FGD4: variants seen among roughly 807,000 people sequenced by gnomAD.
FGD4 encodes FYVE, RhoGEF and PH domain-containing protein 4.
Under a neutral mutation model 102.0 loss-of-function variants are expected in FGD4, and 42 were observed. That is an observed-to-expected ratio of 0.41 (90% CI 0.32 to 0.53). FGD4 has a LOEUF of 0.53. Among genes scored for constraint, FGD4 ranks in the 20% least tolerant of loss-of-function variants. The pLI, the probability that FGD4 is intolerant of heterozygous loss-of-function variation, is 0.21. For missense variants in FGD4, 902 were observed against 1,078.2 expected, an observed-to-expected ratio of 0.84 and a Z score of 2.29; for synonymous variants, 380 against 375.7, an observed-to-expected ratio of 1.01 and a Z score of -0.13.
At chr12:32,522,779 A>G (rs1319165733) in intron 1 of FGD4, among the ~76,000 whole-genome samples, 1 of 152,266 alleles carries the variant, frequency 6.6e-6, no homozygotes, top group Non-Finnish European at 1.5e-5. Context: ...GATGAGGGGT[A>G]GAGCCTTCAG....
chr12:32,410,425 CA>C (rs543598255), intron 1 of FGD4, among the ~76,000 whole-genome samples: 199 of 151,818 alleles, frequency 1.3e-3, no homozygotes, highest in Non-Finnish European at 2.4e-3. Flanking sequence ...GCTGAGGCTG[CA>C]GTGACCTGTG....
intron 1 of FGD4, among the ~76,000 whole-genome samples, chr12:32,548,603 G>A (rs1185719184): frequency 6.6e-6 from 1 of 152,212 alleles, no homozygotes; most frequent in African/African-American, 2.4e-5. Context: ...ATGCCTCCAA[G>A]TCTGTTAGGT....
chr12:32,598,116 A>C (rs1200089928), intron 4 of FGD4, among the ~76,000 whole-genome samples: 1 of 152,228 alleles, frequency 6.6e-6, no homozygotes, highest in Admixed American at 6.5e-5. Context: ...TTTTAAAAAT[A>C]AAAAATTAAT....
intron 4 of FGD4, chr12:32,582,834 T>C (rs1946722175): frequency 4.5e-6 from 1 of 224,034 alleles, no homozygotes; most frequent in South Asian, 7.7e-5. Flanking sequence ...AGAAATTGTA[T>C]AATCTTTGTT....
At chr12:32,603,055 A>G (rs1175653568) in intron 7 of FGD4, among the ~76,000 whole-genome samples, 1 of 152,192 alleles carries the variant, frequency 6.6e-6, no homozygotes, top group East Asian at 1.9e-4. Context: ...TTCTTGTAAA[A>G]TGTAGACACT....
At chr12:32,489,808 T>C (rs779007447) in intron 1 of FGD4, among the ~76,000 whole-genome samples, 27 of 152,182 alleles carry the variant, frequency 1.8e-4, no homozygotes, top group Non-Finnish European at 3.5e-4. Context: ...TTTATTTATA[T>C]ATTAAAAAAA....
At chr12:32,599,202 A>G (rs1292777912) in intron 5 of FGD4, among the ~76,000 whole-genome samples, 3 of 152,082 alleles carry the variant, frequency 2.0e-5, no homozygotes, top group Non-Finnish European at 4.4e-5. Flanking sequence ...ATATTATAAG[A>G]ATAACTTTTG....
chr12:32,528,503 C>T (rs1165466841), intron 1 of FGD4, among the ~76,000 whole-genome samples: 1 of 152,136 alleles, frequency 6.6e-6, no homozygotes, highest in Non-Finnish European at 1.5e-5. Flanking sequence ...ATTCTCCTGA[C>T]TCAAGCCTCC....
intron 1 of FGD4, among the ~76,000 whole-genome samples, chr12:32,468,704 T>A (rs1408905860): frequency 6.6e-6 from 1 of 152,196 alleles, no homozygotes; most frequent in African/African-American, 2.4e-5. Flanking sequence ...ATCGCCCAAC[T>A]GTACTGCAGC....
At chr12:32,585,913 AG>A (rs1946995127) in intron 4 of FGD4, among the ~76,000 whole-genome samples, 1 of 150,242 alleles carries the variant, frequency 6.7e-6, no homozygotes, top group Non-Finnish European at 1.5e-5. Context: ...GTTGAGGGCC[AG>A]GCTGCTGAGA....
chr12:32,534,613 T>G lies in FGD4; in HGVS notation c.167-29524T>G, dbSNP rs1019065007. 6 of 598,174 alleles carry G rather than the reference T, an allele frequency of 1.0e-5. No individual in the cohort carries two copies. In the African/African-American group the frequency reaches 1.1e-4, roughly 11 times the overall value. 37.1% of individuals were successfully genotyped at this position (598,174 alleles called of 1,614,324 possible). ...GCAGAGTTTGGTTTTCTTTTAAAGT[T>G]AATAAAGCTCACATTGGTTTTCAAG... On this transcript the variant is annotated intron_variant, in intron 1 of 16. Coordinates refer to ENST00000534526, the MANE Select transcript of FGD4 (RefSeq NM_001370298.3).
chr12:32,464,297 C>T (rs1335553730), intron 1 of FGD4, among the ~76,000 whole-genome samples: 2 of 152,108 alleles, frequency 1.3e-5, no homozygotes, highest in African/African-American at 4.8e-5. Flanking sequence ...GGACTACAGG[C>T]GCGCACCACT....
At chr12:32,606,745 G>A (rs990731469) in intron 7 of FGD4, among the ~76,000 whole-genome samples, 1 of 152,052 alleles carries the variant, frequency 6.6e-6, no homozygotes, top group African/African-American at 2.4e-5. Flanking sequence ...ACTTTAATGG[G>A]ATTTCTGCTT....
intron 2 of FGD4, among the ~76,000 whole-genome samples, chr12:32,567,521 A>G (rs751268541): frequency 6.6e-6 from 1 of 152,102 alleles, no homozygotes; most frequent in Non-Finnish European, 1.5e-5. Context: ...CTGTTGCTCT[A>G]CATCCTGCAA....
chr12:32,541,139 C>CA (rs546192735), intron 1 of FGD4, among the ~76,000 whole-genome samples: 1,641 of 147,964 alleles, frequency 0.011, 9 homozygotes, highest in Non-Finnish European at 0.016. Context: ...TTCTGTCAGC[C>CA]AAAAAAAAAT....
At chr12:32,528,386 C>A (rs77706958) in intron 1 of FGD4, among the ~76,000 whole-genome samples, 1,560 of 152,186 alleles carry the variant, frequency 0.01, 20 homozygotes, top group African/African-American at 0.035. Context: ...TACGCACATC[C>A]TCCCTTACAC....
At chr12:32,420,084 G>A (rs1454779662) in intron 1 of FGD4, among the ~76,000 whole-genome samples, 1 of 152,162 alleles carries the variant, frequency 6.6e-6, no homozygotes, top group African/African-American at 2.4e-5. Context: ...TATGTAGTTA[G>A]TTGTTAAAAT....
intron 1 of FGD4, among the ~76,000 whole-genome samples, chr12:32,538,318 T>A (rs2136110567): frequency 6.6e-6 from 1 of 152,344 alleles, no homozygotes; most frequent in Non-Finnish European, 1.5e-5. Context: ...TGTTAATATT[T>A]GTTGATTGAA....
chr12:32,434,022 AT>A (rs1942142512), intron 1 of FGD4, among the ~76,000 whole-genome samples: 1 of 151,578 alleles, frequency 6.6e-6, no homozygotes, highest in Middle Eastern at 3.2e-3. Flanking sequence ...CGCCCAGCTA[AT>A]TTTTGTATTT....
Sources: allele counts gnomAD v4.1 joint callset (sites outside exome capture counted in the v4.1 genomes callset), GRCh38; gene constraint gnomAD v4.1.1; transcripts MANE v1.5; gene names NCBI Gene and HGNC (gene_info 2026-07-23, HGNC 2026-07-21).